SLC9C1: variants seen among roughly 807,000 people sequenced by gnomAD.
The protein encoded by SLC9C1 is sodium/hydrogen exchanger 10.
Under a neutral mutation model 140.9 loss-of-function variants are expected in SLC9C1, and 97 were observed. The ratio of observed to expected loss-of-function variants is 0.69; its 90% CI spans 0.58 to 0.82. The LOEUF (loss-of-function observed/expected upper bound fraction) is 0.82. Among genes scored for constraint, SLC9C1 ranks in the 40% least tolerant of loss-of-function variants. The pLI is 0.00. For synonymous variants in SLC9C1, 440 were observed against 442.6 expected (o/e 0.99, Z 0.07); for missense variants, 1,340 against 1,389.3 (o/e 0.96, Z 0.56).
intron 12 of SLC9C1, among the ~76,000 whole-genome samples, chr3:112,233,281 C>T (rs1457010063): frequency 1.3e-5 from 2 of 151,916 alleles, no homozygotes; most frequent in South Asian, 2.1e-4. Context: ...TTGCCAGGTT[C>T]GTCTCAAACT....
At chr3:112,177,834 A>C (rs1360296481) in intron 23 of SLC9C1, among the ~76,000 whole-genome samples, 3 of 149,878 alleles carry the variant, frequency 2.0e-5, no homozygotes, top group Non-Finnish European at 4.4e-5. Flanking sequence ...TAGTAACTTC[A>C]TTATAGCCCA....
At chr3:112,287,740 TG>T (rs2080551092) in intron 1 of SLC9C1, among the ~76,000 whole-genome samples, 1 of 152,178 alleles carries the variant, frequency 6.6e-6, no homozygotes, top group Non-Finnish European at 1.5e-5. Context: ...CTCATATGGC[TG>T]CCTTACTAAG....
At chr3:112,214,426 T>A (rs1208541678) in intron 15 of SLC9C1, among the ~76,000 whole-genome samples, 1 of 152,110 alleles carries the variant, frequency 6.6e-6, no homozygotes, top group East Asian at 1.9e-4. Flanking sequence ...AGGAGCTGGT[T>A]TTTTTGAAAA....
chr3:112,208,154 A>T, intron 16 of SLC9C1, 24 bp downstream of exon 16: 1 of 1,549,902 alleles, frequency 6.5e-7, no homozygotes, highest in Non-Finnish European at 8.7e-7. Flanking sequence ...TAACACTTCC[A>T]TACACACATA....
Position 112,217,497 on chromosome 3 carries a change from T to C in SLC9C1, c.1735A>G (p.Lys579Glu). 6.2e-7 allele frequency: 1 copy of C among 1,610,872 alleles called. No homozygotes were observed. Among genetic ancestry groups the C allele is most frequent in the Non-Finnish European group, 8.5e-7 (1 of 1,178,980 alleles). Residue 579 changes from lysine to glutamate, a missense_variant, in exon 15 of 29, where the codon AAA (lysine) becomes GAA (glutamate). By Grantham distance (56) the Lys-to-Glu change is moderately conservative. Transcript: ENST00000305815. ...TTATACACCCAATTAAGTAGTAGTT[T>C]TCTAGCAAAGGTAACTGTTTTTTGG... is the stretch of plus-strand genomic sequence containing the variant. ...ESQKTVTFAR[K>E]LLLNWVYNTR... is the part of the protein sequence containing the mutation.
At chr3:112,237,281 T>C (rs1000562687) in intron 12 of SLC9C1, among the ~76,000 whole-genome samples, 1 of 152,200 alleles carries the variant, frequency 6.6e-6, no homozygotes, top group Admixed American at 6.5e-5. Flanking sequence ...GAGACAAGGA[T>C]TGTAACTCCT....
intron 10 of SLC9C1, among the ~76,000 whole-genome samples, chr3:112,251,550 G>A (rs2079457331): frequency 2.6e-5 from 4 of 152,120 alleles, no homozygotes; most frequent in Admixed American, 2.6e-4. Context: ...TAGGAAAGGA[G>A]GTGATCCAGG....
intron 7 of SLC9C1, among the ~76,000 whole-genome samples, chr3:112,267,463 TTA>T (rs1461776136): frequency 6.8e-6 from 1 of 147,552 alleles, no homozygotes; most frequent in Non-Finnish European, 1.5e-5. Flanking sequence ...GTAGTCCCAG[TTA>T]CTTGGGAGGC....
chr3:112,200,602 G>A, intron 19 of SLC9C1, 109 bp downstream of exon 19: 2 of 901,868 alleles, frequency 2.2e-6, no homozygotes, highest in Non-Finnish European at 3.5e-6. Context: ...CTTCAGTATT[G>A]TTAGTGAGTA....
At chr3:112,258,472 C>T (rs1039772853) in intron 10 of SLC9C1, among the ~76,000 whole-genome samples, 1 of 151,926 alleles carries the variant, frequency 6.6e-6, no homozygotes, top group African/African-American at 2.4e-5. Context: ...CTCACTCTGT[C>T]GCCCAGGCTG....
At chr3:112,197,597 C>A (rs2077799296) in intron 20 of SLC9C1, among the ~76,000 whole-genome samples, 1 of 152,116 alleles carries the variant, frequency 6.6e-6, no homozygotes. Context: ...AAGCCTTCCC[C>A]TGAAAGTTGC....
At position 112,266,248 on chromosome 3, in the gene SLC9C1, G is replaced by A; in HGVS notation, c.868C>T (p.Leu290Phe). 3.1e-6 allele frequency: 5 copies of A among 1,604,272 alleles called. No homozygotes were observed. The highest frequency in any genetic ancestry group is 1.3e-5 in the African/African-American group (1 of 74,806). Reference protein sequence around the residue: ...TSFKAAIEETLLLEFWTFLSR... With the variant: ...TSFKAAIEETFLLEFWTFLSR... ...ATGCTATCCACTTACTCAAGAAGAA[G>A]TGTTTCTTCAATTGCTGCTTTAAAA... The change falls in exon 8 of 29, where the codon CTT becomes TTT. Residue 290 changes from leucine (L) to phenylalanine (F), a missense_variant. Coordinates refer to ENST00000305815, the MANE Select transcript of SLC9C1 (RefSeq NM_183061.3).
intron 16 of SLC9C1, 25 bp from the exon 17 acceptor site, chr3:112,204,428 T>C (rs1448140304): frequency 2.0e-6 from 3 of 1,535,786 alleles, no homozygotes; most frequent in Admixed American, 2.4e-5. Flanking sequence ...GGAAATTACA[T>C]TATCATGTTT....
intron 26 of SLC9C1, among the ~76,000 whole-genome samples, chr3:112,164,639 TC>T (rs1203166208): frequency 6.6e-6 from 1 of 151,152 alleles, no homozygotes; most frequent in Non-Finnish European, 1.5e-5. Flanking sequence ...TCCTGAGAGG[TC>T]CGCTATTAGT....
chr3:112,179,726 A>G, intron 22 of SLC9C1, 25 bp from the exon 23 acceptor site: 1 of 1,554,568 alleles, frequency 6.4e-7, no homozygotes, highest in South Asian at 1.3e-5. Context: ...AGAAAGAGAA[A>G]AATACATATG....
At chr3:112,263,989 T>G (rs2079847356) in intron 9 of SLC9C1, among the ~76,000 whole-genome samples, 1 of 151,714 alleles carries the variant, frequency 6.6e-6, no homozygotes, top group Non-Finnish European at 1.5e-5. Flanking sequence ...TGTTGAGTTT[T>G]TTTCTAATTA....
At chr3:112,252,466 G>A (rs2079489093) in intron 10 of SLC9C1, among the ~76,000 whole-genome samples, 1 of 152,080 alleles carries the variant, frequency 6.6e-6, no homozygotes, top group African/African-American at 2.4e-5. Flanking sequence ...GCTTTGGAGA[G>A]TGTGAAGCAA....
rs553965538 is a variant in SLC9C1, at chr3:112,288,344, T to G, written c.-87-1466A>C. ...GCTCTTACAGGTTTTATTTGCATTG[T>G]TGGGCTCATCCTTTTACGATTAAAT... On this transcript the variant is annotated intron_variant, in intron 1 of 28. Transcript: ENST00000305815. Among the ~76,000 whole-genome samples, 54 of 152,306 alleles carry G rather than the reference T, an allele frequency of 3.5e-4. 1 individual carries two copies. In the South Asian group the frequency reaches 0.011, roughly 32 times the overall value.
At chr3:112,199,657 G>T (rs1291374866) in intron 19 of SLC9C1, among the ~76,000 whole-genome samples, 188 bp from the exon 20 acceptor site, 1 of 151,992 alleles carries the variant, frequency 6.6e-6, no homozygotes, top group Non-Finnish European at 1.5e-5. Flanking sequence ...TCTGCTGGAT[G>T]TTTTCTTGGC....
Sources: allele counts gnomAD v4.1 joint callset (sites outside exome capture counted in the v4.1 genomes callset), GRCh38; gene constraint gnomAD v4.1.1; transcripts MANE v1.5; gene names NCBI Gene and HGNC (gene_info 2026-07-23, HGNC 2026-07-21).